The following MEF2A variants were observed in gnomAD, a reference collection of about 807,000 sequenced individuals.
MEF2A encodes the protein myocyte-specific enhancer factor 2A.
In MEF2A, 28 loss-of-function variants were observed where a neutral mutation model predicts 55.8. That is an observed-to-expected ratio of 0.50 (90% confidence interval 0.37 to 0.69). The LOEUF (loss-of-function observed/expected upper bound fraction) is 0.69, where lower values mean the gene tolerates loss of function less well. Among genes scored for constraint, MEF2A ranks in the 30% least tolerant of loss-of-function variants. MEF2A has a pLI of 0.00. For missense variants in MEF2A, 528 were observed against 626.2 expected (o/e 0.84, Z 1.67); for synonymous variants, 239 against 227.1 (o/e 1.05, Z -0.47).
At chr15:99,584,829 G>C (rs1032890108) in intron 1 of MEF2A, among the ~76,000 whole-genome samples, 2 of 152,162 alleles carry the variant, frequency 1.3e-5, no homozygotes, top group Admixed American at 1.3e-4. Flanking sequence ...TGCTTTAAAT[G>C]GGTGAATTGT....
intron 3 of MEF2A, among the ~76,000 whole-genome samples, chr15:99,643,353 GGGAAA>G (rs2045361111): frequency 6.6e-6 from 1 of 152,056 alleles, no homozygotes; most frequent in South Asian, 2.1e-4. Flanking sequence ...CTAAAATCAA[GGGAAA>G]ATGTACTCTT....
At chr15:99,656,631 A>G (rs1394829240) in intron 4 of MEF2A, among the ~76,000 whole-genome samples, 1 of 152,114 alleles carries the variant, frequency 6.6e-6, no homozygotes, top group Non-Finnish European at 1.5e-5. Flanking sequence ...GCTTTCAGTA[A>G]CCTAATTAAT....
chr15:99,577,790 T>C (rs762881823), intron 1 of MEF2A, among the ~76,000 whole-genome samples: 4 of 152,230 alleles, frequency 2.6e-5, no homozygotes, highest in Non-Finnish European at 5.9e-5. Context: ...TTGTTGTCTT[T>C]ATGATCTTGA....
intron 2 of MEF2A, among the ~76,000 whole-genome samples, chr15:99,616,056 A>G (rs1041577169): frequency 2.0e-5 from 3 of 152,202 alleles, no homozygotes; most frequent in African/African-American, 7.2e-5. Flanking sequence ...AATTAGATTT[A>G]GTGGTTCCCA....
chr15:99,695,541 T>TTGTGTGTGTGTGTGTGTGTGTG (rs3979129), intron 8 of MEF2A, among the ~76,000 whole-genome samples: 13,855 of 144,504 alleles, frequency 0.096, 902 homozygotes, highest in South Asian at 0.13. Flanking sequence ...ATTGTCAGAT[T>TTGTGTGTGTGTGTGTGTGTGTG]TGTGTGTGTG....
intron 1 of MEF2A, among the ~76,000 whole-genome samples, chr15:99,591,623 C>T (rs1278576898): frequency 6.6e-6 from 1 of 152,042 alleles, no homozygotes; most frequent in Non-Finnish European, 1.5e-5. Context: ...GTTTCTCCTT[C>T]CTTCTGCAGT....
At chr15:99,582,798 G>A (rs1437353333) in intron 1 of MEF2A, among the ~76,000 whole-genome samples, 3 of 152,080 alleles carry the variant, frequency 2.0e-5, no homozygotes, top group Non-Finnish European at 2.9e-5. Context: ...ATTTTGACAT[G>A]CATGATGCAC....
chr15:99,708,698 C>T (rs907942229), intron 10 of MEF2A, among the ~76,000 whole-genome samples: 1 of 152,180 alleles, frequency 6.6e-6, no homozygotes, highest in Non-Finnish European at 1.5e-5. Context: ...GGAGTGCAGT[C>T]AGCAGTGAAG....
In MEF2A at chr15:99,602,247, A is replaced by G. The variant is rs190119685; in HGVS notation, c.-143+3736A>G. Among the ~76,000 whole-genome samples, 456 of 152,162 alleles carry G rather than the reference A, an allele frequency of 3.0e-3. 4 individuals are homozygous for G. The highest frequency in any genetic ancestry group is 0.01 in the African/African-American group (427 of 41,504). On this transcript the variant is annotated intron_variant, in intron 2 of 11. Transcript: ENST00000557942. Reference sequence around the variant, plus strand: ...GGTTTGACCTTTGACTCAGGGTTTTATATGTTGGCATACTTCTGGGGTCTT... The same window carrying G: ...GGTTTGACCTTTGACTCAGGGTTTTGTATGTTGGCATACTTCTGGGGTCTT...
chr15:99,566,909 G>A (rs1406250223), intron 1 of MEF2A, among the ~76,000 whole-genome samples: 1 of 152,214 alleles, frequency 6.6e-6, no homozygotes, highest in East Asian at 1.9e-4. Flanking sequence ...CCTGCCATCC[G>A]GCTAGATCCC....
chr15:99,625,953 T>C (rs948682556), intron 2 of MEF2A, among the ~76,000 whole-genome samples: 2 of 152,136 alleles, frequency 1.3e-5, no homozygotes, highest in African/African-American at 4.8e-5. Context: ...GATTTTGGTA[T>C]TAGGGCAATA....
intron 4 of MEF2A, among the ~76,000 whole-genome samples, chr15:99,664,017 C>T (rs1195019175): frequency 6.6e-6 from 1 of 152,136 alleles, no homozygotes; most frequent in Non-Finnish European, 1.5e-5. Context: ...GGACGTATGA[C>T]TTTAAAGATT....
intron 2 of MEF2A, among the ~76,000 whole-genome samples, chr15:99,607,272 G>A (rs1975499788): frequency 6.6e-6 from 1 of 152,070 alleles, no homozygotes; most frequent in Non-Finnish European, 1.5e-5. Context: ...TTGAATAGTG[G>A]GTGATTTTAG....
chr15:99,589,070 G>A (rs1279390443), intron 1 of MEF2A, among the ~76,000 whole-genome samples: 1 of 151,990 alleles, frequency 6.6e-6, no homozygotes, highest in African/African-American at 2.4e-5. Flanking sequence ...TATTTATACT[G>A]GCCTCCTTAA....
chr15:99,622,058 CTG>C (rs1318165445), intron 2 of MEF2A, among the ~76,000 whole-genome samples: 33 of 152,174 alleles, frequency 2.2e-4, no homozygotes, highest in Admixed American at 2.1e-3. Context: ...GTTTAAAAGA[CTG>C]TGAACATTTG....
intron 1 of MEF2A, among the ~76,000 whole-genome samples, chr15:99,571,722 CT>C (rs11347508): frequency 0.98 from 148,521 of 152,216 alleles, 72,523 homozygotes; most frequent in Middle Eastern, 1. Context: ...ATTTTTCCCT[CT>C]TCCCCCAACC....
Position 99,712,699 on chromosome 15 carries a change from C to G in MEF2A, c.1446C>G (p.Gly482=). 1 of 1,563,828 alleles carries G rather than the reference C, an allele frequency of 6.4e-7. No individual in the cohort carries two copies. ...RGDFHSPIVL[G]RPPNTEDRES... is the part of the protein sequence containing the mutation. ...ACTTCCATTCTCCAATTGTGCTTGG[C>G]CGACCCCCAAACACTGAGGACAGAG... The change falls in exon 12 of 12, where the codon GGC becomes GGG. Residue 482 remains glycine (G), a synonymous_variant. Transcript: ENST00000557942. The surrounding 1 kb of genome is among the most constrained non-coding windows in gnomAD (Gnocchi z 4.1).
At chr15:99,688,151 A>C (rs1318958791) in intron 7 of MEF2A, among the ~76,000 whole-genome samples, 1 of 152,226 alleles carries the variant, frequency 6.6e-6, no homozygotes, top group Admixed American at 6.5e-5. Context: ...TCTCTGTTTT[A>C]TAAATGCACA....
chr15:99,576,429 C>T (rs909156329), intron 1 of MEF2A, among the ~76,000 whole-genome samples: 2 of 151,872 alleles, frequency 1.3e-5, no homozygotes, highest in Non-Finnish European at 2.9e-5. Flanking sequence ...GTGTCTTGAG[C>T]GTGGTTGATT....
Sources: gnomAD v4.1 joint callset for allele counts (sites outside exome capture counted in the v4.1 genomes callset) on GRCh38, gnomAD v4.1.1 for gene constraint, Gnocchi (gnomAD v3.1) non-coding constraint, MANE v1.5 for transcripts, NCBI Gene and HGNC (gene_info 2026-07-23, HGNC 2026-07-21) for gene names.